Variants in RYR1 observed in about 807,000 individuals in gnomAD.
The protein encoded by RYR1 is ryanodine receptor 1, also known as central core disease of muscle.
Under a neutral mutation model 583.5 loss-of-function variants are expected in RYR1, and 342 were observed. The observed-to-expected ratio is 0.59, with a 90% confidence interval of 0.54 to 0.64. The LOEUF is 0.64. RYR1 is among the 30% of genes least tolerant of loss of function. The probability of loss-of-function intolerance (pLI) is 0.00; values close to 1 mark genes in which losing one functional copy is unlikely to be tolerated. For missense variants in RYR1, 6,032 were observed against 6,917.2 expected (o/e 0.87, Z 4.54); for synonymous variants, 2,791 against 2,822.5 (o/e 0.99, Z 0.35).
intron 78 of RYR1, among the ~76,000 whole-genome samples, chr19:38,534,112 A>G (rs564345364): frequency 2.0e-5 from 3 of 151,666 alleles, no homozygotes; most frequent in African/African-American, 7.3e-5. Context: ...CCCGGGTTCA[A>G]GCAATTCTCC....
In RYR1 at chr19:38,565,831, G is replaced by T; in HGVS notation, c.13437+60G>T. The T allele has an allele frequency of 1.5e-6, 2 of 1,355,806 alleles. No individual in the cohort carries two copies. Among genetic ancestry groups the T allele is most frequent in the South Asian group, 1.8e-5 (1 of 55,076 alleles). The allele number at this position is 1,355,806 out of a possible 1,614,324, so 84.0% of individuals were successfully genotyped here. On this transcript the variant is annotated intron_variant, in intron 91 of 105. Transcript: ENST00000359596. This position sits in a 1 kb window ranked among gnomAD's most constrained non-coding sequence, Gnocchi z 4.7. Reference sequence around the variant, plus strand: ...AGATGGGGGATTGGAGGGAGGAAGAGAGCCCGGCTGGGTGGAGACACACAC... The same window carrying T: ...AGATGGGGGATTGGAGGGAGGAAGATAGCCCGGCTGGGTGGAGACACACAC...
At chr19:38,578,323 C>T (rs1311169907) in intron 99 of RYR1, 119 bp downstream of exon 99, 7 of 943,796 alleles carry the variant, frequency 7.4e-6, no homozygotes, top group Non-Finnish European at 1.2e-5. Flanking sequence ...GGCTGTGACC[C>T]TAGGGTATCT....
At chr19:38,439,487 C>T (rs1475664156) in intron 1 of RYR1, among the ~76,000 whole-genome samples, 3 of 151,932 alleles carry the variant, frequency 2.0e-5, no homozygotes, top group African/African-American at 7.2e-5. Flanking sequence ...GCGTGAGCCA[C>T]CGCACCCGGC....
At chr19:38,537,045 G>A (rs1972002766) in intron 83 of RYR1, 1 of 566,772 alleles carries the variant, frequency 1.8e-6, no homozygotes, top group Admixed American at 3.0e-5. Flanking sequence ...TAGAGAACAT[G>A]GTAAAGATCT....
At chr19:38,547,718 C>CTTT (rs34547615) in intron 88 of RYR1, among the ~76,000 whole-genome samples, 1 of 142,112 alleles carries the variant, frequency 7.0e-6, no homozygotes. Flanking sequence ...TCATCATTAT[C>CTTT]TTTTTTTTTT....
chr19:38,460,625 G>A (rs1360055934), intron 20 of RYR1, 34 bp downstream of exon 20: 2 of 1,586,220 alleles, frequency 1.3e-6, no homozygotes, highest in South Asian at 1.1e-5. Flanking sequence ...TTCTGGCGAG[G>A]CAGGGTCTCT....
intron 29 of RYR1, among the ~76,000 whole-genome samples, chr19:38,476,289 C>T (rs768359570): frequency 3.3e-5 from 5 of 152,164 alleles, no homozygotes; most frequent in Non-Finnish European, 7.3e-5. Flanking sequence ...ACCTCTGCCT[C>T]CCGGGTTCAA....
chr19:38,502,787 A>G (rs1278596632), intron 48 of RYR1, 60 bp downstream of exon 48: 1 of 395,820 alleles, frequency 2.5e-6, no homozygotes. Flanking sequence ...GGGCAGGGGC[A>G]GGGGCAGGGG....
At chr19:38,456,011 G>A (rs1368357831) in intron 16 of RYR1, among the ~76,000 whole-genome samples, 3 of 133,846 alleles carry the variant, frequency 2.2e-5, no homozygotes, top group South Asian at 2.3e-4. Context: ...TCACACTGTC[G>A]CTCAGACTGG....
chr19:38,571,775 G>A (rs1973725836), intron 94 of RYR1, among the ~76,000 whole-genome samples: 1 of 152,186 alleles, frequency 6.6e-6, no homozygotes, highest in South Asian at 2.1e-4. Context: ...TCTCTTTAGG[G>A]CTCCACTATC....
In RYR1 at chr19:38,435,749, C is replaced by T. The variant is rs114825544; in HGVS notation, c.45+1875C>T. On this transcript the variant is annotated intron_variant, in intron 1 of 105. Coordinates refer to ENST00000359596, the MANE Select transcript of RYR1 (RefSeq NM_000540.3). Reference sequence around the variant, plus strand: ...CGAGACTCCATCTCAGAACAAAAAACCTTCTGGACCACATCCCGCCCATAA... The same window carrying T: ...CGAGACTCCATCTCAGAACAAAAAATCTTCTGGACCACATCCCGCCCATAA... Among the ~76,000 whole-genome samples the T allele has an allele frequency of 5.6e-3, 857 of 151,844 alleles. 8 individuals are homozygous for T. Among genetic ancestry groups the T allele is most frequent in the African/African-American group, 0.019 (805 of 41,404 alleles).
chr19:38,464,564 C>T (rs1431693859), intron 22 of RYR1, 75 bp from the exon 23 acceptor site: 6 of 1,301,376 alleles, frequency 4.6e-6, no homozygotes, highest in Non-Finnish European at 6.5e-6. Context: ...AGCTGGAGAC[C>T]CTGAGGCCGT....
chr19:38,536,844 G>T, intron 83 of RYR1, 77 bp downstream of exon 83: 1 of 1,500,600 alleles, frequency 6.7e-7, no homozygotes, highest in Admixed American at 1.7e-5. Flanking sequence ...TCCACCTAGG[G>T]GCTGAGGATC....
At chr19:38,522,744 G>GTTCAAGAC (rs1971275785) in intron 67 of RYR1, among the ~76,000 whole-genome samples, 3 of 152,030 alleles carry the variant, frequency 2.0e-5, no homozygotes, top group African/African-American at 7.2e-5. Context: ...AAGGTCAAGA[G>GTTCAAGAC]TTCAAGACCA....
At chr19:38,575,868 C>T (rs757712607) in intron 96 of RYR1, 51 bp from the exon 97 acceptor site, 56 of 1,597,748 alleles carry the variant, frequency 3.5e-5, no homozygotes, top group Non-Finnish European at 4.4e-5. Flanking sequence ...CAGCTCTGAT[C>T]CCTCTGGCCC....
chr19:38,462,789 G>T (rs1377455315), intron 20 of RYR1, among the ~76,000 whole-genome samples: 1 of 151,984 alleles, frequency 6.6e-6, no homozygotes, highest in Non-Finnish European at 1.5e-5. Context: ...TAGGGCTGGG[G>T]ACTTGGTGGA....
chr19:38,567,373 C>A (rs1973492149), intron 92 of RYR1, among the ~76,000 whole-genome samples: 1 of 152,076 alleles, frequency 6.6e-6, no homozygotes, highest in African/African-American at 2.4e-5. Flanking sequence ...AAACTCCCAT[C>A]TAACTGCCAG....
rs1325538758 is a variant in RYR1, at chr19:38,512,179, C to T, written c.9233+47C>T. The T allele has an allele frequency of 1.2e-6, 2 of 1,613,782 alleles. No individual in the cohort carries two copies. Among genetic ancestry groups the T allele is most frequent in the African/African-American group, 1.3e-5 (1 of 74,918 alleles). On this transcript the variant is annotated intron_variant, in intron 62 of 105. Transcript: ENST00000359596. The surrounding 1 kb of genome is among the most constrained non-coding windows in gnomAD (Gnocchi z 5.1). ...CCCACTCCCACCATCATCGGGCCCC[C>T]ACCCCAACCCCTGGTCTCCTAGACT...
chr19:38,452,974 T>C lies in RYR1; in HGVS notation c.1400T>C (p.Leu467Pro), dbSNP rs1363060723. 1.9e-6 allele frequency: 3 copies of C among 1,613,676 alleles called. No individual in the cohort carries two copies. Among genetic ancestry groups the C allele is most frequent in the Non-Finnish European group, 2.5e-6 (3 of 1,179,838 alleles). Reference protein sequence around the residue: ...DLQHEEKQSKLRSLRNRQSLF... With the variant: ...DLQHEEKQSKPRSLRNRQSLF... Reference sequence around the variant, plus strand: ...CAGCACGAGGAGAAGCAGAGCAAGCTGCGAAGCCTGCGCAACCGCCAGAGC... The same window carrying C: ...CAGCACGAGGAGAAGCAGAGCAAGCCGCGAAGCCTGCGCAACCGCCAGAGC... The change falls in exon 13 of 106, where the codon CTG becomes CCG. Residue 467 changes from leucine to proline, a missense_variant. This residue lies in a region of RYR1 where 2,627 missense variants were observed against 2,961.3 expected (regional missense o/e 0.89). Transcript: ENST00000359596.
Sources: allele counts gnomAD v4.1 joint callset (sites outside exome capture counted in the v4.1 genomes callset), GRCh38; gene constraint gnomAD v4.1.1; regional missense constraint gnomAD v4.1.1; non-coding constraint Gnocchi (gnomAD v3.1); transcripts MANE v1.5; gene names NCBI Gene and HGNC (gene_info 2026-07-23, HGNC 2026-07-21).